The following C11orf65 variants were observed in gnomAD, a reference collection of about 807,000 sequenced individuals.
C11orf65 encodes the protein protein MFI.
C11orf65 carries 38 observed loss-of-function variants against 35.3 expected under a neutral mutation model. That is an observed-to-expected ratio of 1.08 (90% confidence interval 0.83 to 1.41). The LOEUF (loss-of-function observed/expected upper bound fraction) is 1.41, where lower values mean the gene tolerates loss of function less well. Among genes scored for constraint, C11orf65 ranks in the 40% most tolerant of loss-of-function variants. C11orf65 has a pLI of 0.00. For synonymous variants in C11orf65, 105 were observed against 114.4 expected, an observed-to-expected ratio of 0.92 and a Z score of 0.53; for missense variants, 370 against 367.1, an observed-to-expected ratio of 1.01 and a Z score of -0.06.
chr11:108,442,950 T>C (rs978887723), intron 2 of C11orf65, among the ~76,000 whole-genome samples: 6 of 152,126 alleles, frequency 3.9e-5, no homozygotes, highest in Non-Finnish European at 7.3e-5. Flanking sequence ...AATGACAGGA[T>C]CAAATTCACA....
At chr11:108,312,188 A>AT (rs2084221571) in intron 6 of C11orf65, among the ~76,000 whole-genome samples, 1 of 152,212 alleles carries the variant, frequency 6.6e-6, no homozygotes, top group South Asian at 2.1e-4. Context: ...ATATTTTTGC[A>AT]TATAGGCTTC....
intron 1 of C11orf65, among the ~76,000 whole-genome samples, chr11:108,466,839 G>C (rs2093545542): frequency 6.6e-6 from 1 of 152,168 alleles, no homozygotes; most frequent in Non-Finnish European, 1.5e-5. Context: ...TCTTTACTTT[G>C]CTTGAATTGG....
intron 6 of C11orf65, among the ~76,000 whole-genome samples, chr11:108,395,914 C>T (rs1394594322): frequency 6.6e-6 from 1 of 151,862 alleles, no homozygotes; most frequent in East Asian, 1.9e-4. Context: ...AGCCACCGCG[C>T]CCAGCCAAAA....
intron 2 of C11orf65, chr11:108,366,469 A>G (rs1455164987): frequency 4.5e-6 from 1 of 223,988 alleles, no homozygotes; most frequent in African/African-American, 2.2e-5. Context: ...TAGTTCTATT[A>G]AATTTAGTTC....
Position 108,400,833 on chromosome 11 carries a change from G to A in C11orf65, c.560+4596C>T, listed in dbSNP as rs552747540. Among the ~76,000 whole-genome samples, 18 of 152,228 alleles carry A rather than the reference G, an allele frequency of 1.2e-4. 1 individual carries two copies. In the East Asian group the frequency reaches 3.1e-3, roughly 26 times the overall value. On this transcript the variant is annotated intron_variant, in intron 6 of 8. Coordinates refer to ENST00000393084, the MANE Select transcript of C11orf65 (RefSeq NM_152587.5). ...GAAATATGCTGCTCCTGGGCCAGAC[G>A]TGGTGGCTCATGCCTGTAATCCCAG...
intron 2 of C11orf65, among the ~76,000 whole-genome samples, chr11:108,456,275 A>T (rs2093410456): frequency 6.6e-6 from 1 of 152,222 alleles, no homozygotes; most frequent in Non-Finnish European, 1.5e-5. Flanking sequence ...TGTGAAAAGG[A>T]TGGTATTTTC....
intron 1 of C11orf65, among the ~76,000 whole-genome samples, chr11:108,466,312 G>A (rs1415470644): frequency 6.6e-6 from 1 of 152,112 alleles, no homozygotes; most frequent in Non-Finnish European, 1.5e-5. Context: ...GGTGGCTCAG[G>A]CCTGTAATCC....
chr11:108,393,205 T>TA lies in C11orf65; in HGVS notation c.731+2dup. ...TTCCCCAAGAATAGCAACATGTACT[T>TA]ACTCATCAAAGTTCAGTGTATTTGT... On this transcript the variant is annotated splice_region_variant and intron_variant, in intron 7 of 8. Transcript: ENST00000393084. The TA allele has an allele frequency of 6.2e-7, 1 of 1,613,460 alleles. No individual in the cohort carries two copies. Among genetic ancestry groups the TA allele is most frequent in the Non-Finnish European group, 8.5e-7 (1 of 1,179,622 alleles).
Position 108,316,033 on chromosome 11 carries a change from G to A in C11orf65, c.641-6962C>T, listed in dbSNP as rs863224576. On this transcript the variant is annotated intron_variant, in intron 6 of 6. Coordinates refer to the C11orf65 transcript ENST00000525729. ...TAGACTACGAACATATGAACACGAA[G>A]CAATGTGGGGCAAAGCCCTAGTAAC... 6.2e-7 allele frequency: 1 copy of A among 1,614,140 alleles called. No individual in the cohort carries two copies. Among genetic ancestry groups the A allele is most frequent in the Non-Finnish European group, 8.5e-7 (1 of 1,180,004 alleles).
At chr11:108,416,195 A>T (rs59534949) in intron 3 of C11orf65, among the ~76,000 whole-genome samples, 7 of 152,212 alleles carry the variant, frequency 4.6e-5, no homozygotes, top group Non-Finnish European at 7.3e-5. Context: ...TGCAAAACAC[A>T]TATCTGATAA....
In C11orf65 at chr11:108,405,333, A is replaced by T. The variant is rs991102276; in HGVS notation, c.560+96T>A. 6 of 1,274,740 alleles carry T rather than the reference A, an allele frequency of 4.7e-6. No individual in the cohort carries two copies. In the East Asian group the frequency reaches 1.4e-4, roughly 30 times the overall value. 79.0% of individuals were successfully genotyped at this position (1,274,740 alleles called of 1,614,324 possible). A position where few individuals can be genotyped will look rare whatever the true frequency, so the allele number is the denominator to read the frequency against. ...CAGGGTCTGCGGGCAGACCCCCTGC[A>T]GCTAATGCCCTCTTGTGAGGAGCAA... On this transcript the variant is annotated intron_variant, in intron 6 of 8. Coordinates refer to ENST00000393084, the MANE Select transcript of C11orf65 (RefSeq NM_152587.5).
chr11:108,316,243 G>T (rs55982799), intron 6 of C11orf65: 39 of 960,834 alleles, frequency 4.1e-5, no homozygotes, highest in Non-Finnish European at 1.6e-5. Flanking sequence ...TTTTTCAGAG[G>T]ATTAGGCTAA....
rs1200392743 is a variant in C11orf65, at chr11:108,383,161, G to A, written c.802C>T (p.Gln268Ter). 6.3e-7 allele frequency: 1 copy of A among 1,592,410 alleles called. No homozygotes were observed. Among genetic ancestry groups the A allele is most frequent in the Middle Eastern group, 1.7e-4 (1 of 5,980 alleles). ...SANFKGFRFNQAQKNIYNYGG... is the reference protein window; with the variant it reads ...SANFKGFRFN ...TAGTTATATATGTTTTTCTGTGCTTGATTAAACCTGAATCCTAAAGAGAAG... is the reference window on the plus strand; with the variant it reads ...TAGTTATATATGTTTTTCTGTGCTTAATTAAACCTGAATCCTAAAGAGAAG... Residue 268 changes from glutamine (Q) to a stop codon, truncating the protein, a stop_gained, in exon 9 of 9, where the codon CAA becomes TAA. Coordinates refer to ENST00000393084, the MANE Select transcript of C11orf65 (RefSeq NM_152587.5). LOFTEE classifies it low-confidence loss of function (END_TRUNC).
At chr11:108,355,979 C>T (rs1188028462) in intron 2 of C11orf65, 2 of 152,230 alleles carry the variant, frequency 1.3e-5, no homozygotes, top group South Asian at 2.1e-4. Context: ...TGAAATAGGT[C>T]CCAATAATAC....
intron 2 of C11orf65, chr11:108,347,419 G>A (rs1231324980): frequency 1.4e-5 from 19 of 1,396,330 alleles, no homozygotes; most frequent in Non-Finnish European, 1.5e-5. Context: ...TGGTCATCAT[G>A]GAATGTTGTT....
At chr11:108,452,921 G>A (rs1284967147) in intron 2 of C11orf65, among the ~76,000 whole-genome samples, 4 of 148,594 alleles carry the variant, frequency 2.7e-5, no homozygotes, top group East Asian at 2.0e-4. Context: ...AACACCGCAT[G>A]TGCTCCCTCA....
At chr11:108,372,936 T>C (rs557806540) in intron 2 of C11orf65, among the ~76,000 whole-genome samples, 1 of 152,176 alleles carries the variant, frequency 6.6e-6, no homozygotes, top group South Asian at 2.1e-4. Flanking sequence ...AAAAATTAGC[T>C]GGGTGTAGTG....
At chr11:108,398,089 A>C (rs898017873) in intron 6 of C11orf65, among the ~76,000 whole-genome samples, 13 of 152,204 alleles carry the variant, frequency 8.5e-5, no homozygotes, top group Admixed American at 2.6e-4. Context: ...AGGGAGAGGA[A>C]ATATCATGGG....
At chr11:108,420,492 A>T (rs2092800016) in intron 3 of C11orf65, among the ~76,000 whole-genome samples, 1 of 152,184 alleles carries the variant, frequency 6.6e-6, no homozygotes, top group African/African-American at 2.4e-5. Context: ...CAGTCACTGG[A>T]CATGGGTTGA....
Sources: allele counts gnomAD v4.1 joint callset (sites outside exome capture counted in the v4.1 genomes callset), GRCh38; gene constraint gnomAD v4.1.1; transcripts MANE v1.5; gene names NCBI Gene and HGNC (gene_info 2026-07-23, HGNC 2026-07-21).